The following JARID2 variants were observed in gnomAD, a reference collection of about 807,000 sequenced individuals.
JARID2 encodes the protein jumonji and AT-rich interaction domain containing 2.
A neutral mutation model predicts 125.6 loss-of-function variants in JARID2; 21 were observed. The ratio of observed to expected loss-of-function variants is 0.17; its 90% CI spans 0.12 to 0.24. The LOEUF (loss-of-function observed/expected upper bound fraction) is 0.24, where lower values mean the gene tolerates loss of function less well. JARID2 is among the 10% of genes least tolerant of loss of function. The pLI is 1.00. For synonymous variants in JARID2, 736 were observed against 661.6 expected, an observed-to-expected ratio of 1.11 and a Z score of -1.73; for missense variants, 1,303 against 1,639.6, an observed-to-expected ratio of 0.79 and a Z score of 3.55.
chr6:15,504,286 G>A (rs1161719977), intron 8 of JARID2, among the ~76,000 whole-genome samples: 1 of 152,250 alleles, frequency 6.6e-6, no homozygotes, highest in Non-Finnish European at 1.5e-5. Context: ...CCCTCATGGG[G>A]TTGATCCTTG....
rs561238062 is a variant in JARID2, at chr6:15,263,074, T to TTGTGTG, written c.45+16529_45+16534dup. Among the ~76,000 whole-genome samples, 574 of 139,806 alleles carry TTGTGTG rather than the reference T, an allele frequency of 4.1e-3. 3 individuals carry two copies. Among genetic ancestry groups the TTGTGTG allele is most frequent in the Middle Eastern group, 0.014 (4 of 284 alleles). 91.7% of individuals were successfully genotyped at this position (139,806 alleles called of 152,430 possible). A position where few individuals can be genotyped will look rare whatever the true frequency, so the allele number is the denominator to read the frequency against. ...AGCTTGCCCTTTGGAGGGTGTGTGT[T>TTGTGTG]TGTGTGTGTGTGTGTGTGTGTGTGT... On this transcript the variant is annotated intron_variant, in intron 1 of 17. Transcript: ENST00000341776.
At chr6:15,436,902 CTG>C (rs935754748) in intron 3 of JARID2, among the ~76,000 whole-genome samples, 2 of 151,914 alleles carry the variant, frequency 1.3e-5, no homozygotes, top group African/African-American at 4.8e-5. Context: ...TTCAAGTGGA[CTG>C]TGCTTCCCTG....
intron 1 of JARID2, among the ~76,000 whole-genome samples, chr6:15,249,740 C>T (rs986876212): frequency 6.6e-6 from 1 of 151,998 alleles, no homozygotes; most frequent in Non-Finnish European, 1.5e-5. Context: ...GTTGGGGGTG[C>T]GATTGTCGAT....
intron 8 of JARID2, among the ~76,000 whole-genome samples, chr6:15,501,665 C>G (rs972972601): frequency 6.6e-6 from 1 of 152,110 alleles, no homozygotes; most frequent in African/African-American, 2.4e-5. Flanking sequence ...ATCGAGGAAC[C>G]TAGTGAGGGC....
intron 3 of JARID2, among the ~76,000 whole-genome samples, chr6:15,412,661 A>G (rs1765930133): frequency 6.6e-6 from 1 of 152,162 alleles, no homozygotes. Flanking sequence ...GATAACTTAA[A>G]GTCTTAAGAA....
chr6:15,512,474 G>T, intron 14 of JARID2, 84 bp downstream of exon 14: 1 of 1,253,386 alleles, frequency 8.0e-7, no homozygotes, highest in Non-Finnish European at 1.1e-6. Flanking sequence ...GCATCCCTGC[G>T]TGTGCGTGTC....
chr6:15,324,071 A>G (rs1179736067), intron 1 of JARID2, among the ~76,000 whole-genome samples: 3 of 151,242 alleles, frequency 2.0e-5, no homozygotes, highest in Admixed American at 6.6e-5. Context: ...AGTCCCAGCT[A>G]CTCAGGCTGA....
chr6:15,518,135 C>T (rs1049986917), intron 17 of JARID2, among the ~76,000 whole-genome samples: 2 of 152,246 alleles, frequency 1.3e-5, no homozygotes, highest in Admixed American at 1.3e-4. Flanking sequence ...CCCTCCTTCA[C>T]CTTAGCAGCA....
intron 2 of JARID2, among the ~76,000 whole-genome samples, chr6:15,389,411 G>A: frequency 6.6e-6 from 1 of 152,210 alleles, no homozygotes; most frequent in East Asian, 1.9e-4. Context: ...TCCATCCCAT[G>A]TGATTGGGGT....
chr6:15,265,534 T>G (rs1052488593), intron 1 of JARID2, among the ~76,000 whole-genome samples: 12 of 152,034 alleles, frequency 7.9e-5, no homozygotes, highest in African/African-American at 2.7e-4. Flanking sequence ...TGAGATTTAT[T>G]TTGTGAAGTG....
At chr6:15,291,527 C>G (rs1178430207) in intron 1 of JARID2, among the ~76,000 whole-genome samples, 1 of 152,158 alleles carries the variant, frequency 6.6e-6, no homozygotes, top group African/African-American at 2.4e-5. Flanking sequence ...AGGGGAGTTT[C>G]TTGGATGAGA....
At chr6:15,345,191 A>C (rs1763204149) in intron 1 of JARID2, among the ~76,000 whole-genome samples, 1 of 152,158 alleles carries the variant, frequency 6.6e-6, no homozygotes, top group Non-Finnish European at 1.5e-5. Flanking sequence ...TATGTAGATA[A>C]GTTTCTTGTC....
chr6:15,320,094 G>C (rs1762302717), intron 1 of JARID2, among the ~76,000 whole-genome samples: 1 of 152,166 alleles, frequency 6.6e-6, no homozygotes, highest in African/African-American at 2.4e-5. Flanking sequence ...TGTTTTATTA[G>C]TATGTTTCAA....
At chr6:15,449,167 G>T (rs993932011) in intron 3 of JARID2, among the ~76,000 whole-genome samples, 1 of 151,956 alleles carries the variant, frequency 6.6e-6, no homozygotes, top group Non-Finnish European at 1.5e-5. Flanking sequence ...TTATATAGAG[G>T]CAGGCAGTTG....
rs147457565 is a variant in JARID2 at position 15,512,444 on chromosome 6, G to A, written c.3135+54G>A. 3.4e-4 allele frequency: 515 copies of A among 1,531,604 alleles called. 4 individuals carry two copies. In the East Asian group the frequency reaches 0.011, roughly 32 times the overall value. 94.9% of individuals were successfully genotyped at this position (1,531,604 alleles called of 1,614,324 possible). ...CTGCCCCCGCATCCCTGTGAGTGCC[G>A]TGCGTGAGCGCACACAGAAGCATCC... On this transcript the variant is annotated intron_variant, in intron 14 of 17. Coordinates refer to ENST00000341776, the MANE Select transcript of JARID2 (RefSeq NM_004973.4).
intron 4 of JARID2, among the ~76,000 whole-genome samples, chr6:15,461,223 T>G (rs1768433176): frequency 6.6e-6 from 1 of 152,174 alleles, no homozygotes; most frequent in South Asian, 2.1e-4. Flanking sequence ...AAGGGGAACG[T>G]TACAGTTTTC....
chr6:15,321,260 G>A (rs2127440885), intron 1 of JARID2, among the ~76,000 whole-genome samples: 1 of 152,114 alleles, frequency 6.6e-6, no homozygotes, highest in South Asian at 2.1e-4. Flanking sequence ...GGGAATGAAG[G>A]GAATGTCATT....
At chr6:15,458,214 A>G (rs890141416) in intron 4 of JARID2, among the ~76,000 whole-genome samples, 1 of 152,202 alleles carries the variant, frequency 6.6e-6, no homozygotes, top group African/African-American at 2.4e-5. Context: ...TTATTAACAG[A>G]TTAAAAAGAG....
chr6:15,492,303 C>G (rs1770188734), intron 6 of JARID2, among the ~76,000 whole-genome samples: 1 of 152,192 alleles, frequency 6.6e-6, no homozygotes, highest in African/African-American at 2.4e-5. Context: ...CTGCTGTAGC[C>G]CACGTCGGCG....
Sources: allele counts gnomAD v4.1 joint callset (sites outside exome capture counted in the v4.1 genomes callset), GRCh38; gene constraint gnomAD v4.1.1; transcripts MANE v1.5; gene names NCBI Gene and HGNC (gene_info 2026-07-23, HGNC 2026-07-21).